Variants in ABCC4 observed in about 807,000 individuals in gnomAD.
ABCC4 encodes the protein ATP binding cassette subfamily C member 4 (PEL blood group).
A neutral mutation model predicts 168.5 loss-of-function variants in ABCC4; 102 were observed. The ratio of observed to expected loss-of-function variants is 0.61; its 90% CI spans 0.52 to 0.71. The LOEUF is 0.71. Among genes scored for constraint, ABCC4 ranks in the 30% least tolerant of loss-of-function variants. ABCC4 has a pLI of 0.00. For synonymous variants in ABCC4, 617 were observed against 590.7 expected (o/e 1.04, Z -0.65); for missense variants, 1,402 against 1,605.8 (o/e 0.87, Z 2.17).
At chr13:95,149,572 T>TA (rs1238188771) in intron 19 of ABCC4, among the ~76,000 whole-genome samples, 3 of 152,278 alleles carry the variant, frequency 2.0e-5, no homozygotes, top group African/African-American at 7.2e-5. Flanking sequence ...TGACTACTTT[T>TA]AAAAAAGCAA....
intron 30 of ABCC4, among the ~76,000 whole-genome samples, chr13:95,033,991 A>C (rs2139221388): frequency 6.6e-6 from 1 of 152,296 alleles, no homozygotes; most frequent in East Asian, 1.9e-4. Flanking sequence ...AGGTGGAGGA[A>C]GCATATGGGC....
intron 20 of ABCC4, among the ~76,000 whole-genome samples, chr13:95,101,671 G>A (rs971991664): frequency 2.6e-5 from 4 of 152,070 alleles, no homozygotes; most frequent in Admixed American, 6.5e-5. Context: ...TGAAAATTAC[G>A]TTATTATGAG....
chr13:95,166,605 T>C (rs945180479), intron 14 of ABCC4, among the ~76,000 whole-genome samples: 1 of 152,222 alleles, frequency 6.6e-6, no homozygotes, highest in Non-Finnish European at 1.5e-5. Flanking sequence ...GTGTTACAAA[T>C]GGCGATTATT....
chr13:95,167,006 A>T (rs922245936), intron 14 of ABCC4, among the ~76,000 whole-genome samples: 1 of 151,908 alleles, frequency 6.6e-6, no homozygotes, highest in Non-Finnish European at 1.5e-5. Flanking sequence ...GGCCAACATG[A>T]TGAAACCCCA....
At chr13:95,248,986 G>A (rs2040186536) in intron 1 of ABCC4, among the ~76,000 whole-genome samples, 1 of 152,194 alleles carries the variant, frequency 6.6e-6, no homozygotes, top group Admixed American at 6.5e-5. Flanking sequence ...GTTGCAGTGA[G>A]CTGAGATCGA....
intron 1 of ABCC4, among the ~76,000 whole-genome samples, chr13:95,279,655 C>A (rs2041062689): frequency 6.6e-6 from 1 of 152,182 alleles, no homozygotes; most frequent in Admixed American, 6.5e-5. Context: ...AATACCTCAA[C>A]CCAAATCTTC....
rs746795427 is a variant in ABCC4, at chr13:95,178,054, A to G, written c.1583T>C (p.Ile528Thr). The G allele has an allele frequency of 3.7e-6, 6 of 1,614,064 alleles. No individual in the cohort carries two copies. In the East Asian group the frequency reaches 1.1e-4, roughly 30 times the overall value. Residue 528 changes from isoleucine to threonine, a missense_variant, in exon 12 of 31, where the codon ATA (isoleucine) becomes ACA (threonine). Around this residue, in one of 3 missense-constraint regions of ABCC4, gnomAD observed 1,007 missense variants for 1,127.3 expected, o/e 0.89. Coordinates refer to ENST00000645237, the MANE Select transcript of ABCC4 (RefSeq NM_005845.5). The stretch of plus-strand genomic sequence containing the variant: ...ACTCAGCGTGGTTCCCCGATCTCCT[A>G]TCACAGTCAGATCACCATCCTCCAA... ...QLLEDGDLTV[I>T]GDRGTTLSGG...
chr13:95,254,269 A>C (rs9590219), intron 1 of ABCC4, among the ~76,000 whole-genome samples: 40,243 of 152,090 alleles, frequency 0.26, 6,432 homozygotes, highest in East Asian at 0.5. Flanking sequence ...AATTTCTCAG[A>C]GTATTATATG....
intron 30 of ABCC4, among the ~76,000 whole-genome samples, chr13:95,028,572 G>A (rs2139206792): frequency 6.6e-6 from 1 of 152,202 alleles, no homozygotes; most frequent in East Asian, 1.9e-4. Flanking sequence ...AATAAACTAT[G>A]AGTGAAAGCA....
chr13:95,143,406 T>C (rs1810035391), intron 19 of ABCC4, among the ~76,000 whole-genome samples: 1 of 152,214 alleles, frequency 6.6e-6, no homozygotes, highest in South Asian at 2.1e-4. Flanking sequence ...ATGTTCTAGA[T>C]ACATTTATAA....
intron 20 of ABCC4, among the ~76,000 whole-genome samples, chr13:95,107,561 T>G (rs2035051015): frequency 6.6e-6 from 1 of 152,208 alleles, no homozygotes; most frequent in African/African-American, 2.4e-5. Flanking sequence ...TAATTGTTTT[T>G]CCTTGTTTAT....
At chr13:95,267,001 C>G (rs1409957024) in intron 1 of ABCC4, among the ~76,000 whole-genome samples, 1 of 151,820 alleles carries the variant, frequency 6.6e-6, no homozygotes, top group Non-Finnish European at 1.5e-5. Context: ...TCCCAAGTAG[C>G]TGGGATTACA....
chr13:95,183,701 T>C (rs2139611073), intron 11 of ABCC4, among the ~76,000 whole-genome samples: 1 of 152,082 alleles, frequency 6.6e-6, no homozygotes, highest in Middle Eastern at 3.4e-3. Flanking sequence ...TCACTTGAGG[T>C]CAAGAGTTCA....
chr13:95,204,397 C>A (rs1007675413), intron 8 of ABCC4, among the ~76,000 whole-genome samples: 1 of 152,094 alleles, frequency 6.6e-6, no homozygotes, highest in African/African-American at 2.4e-5. Flanking sequence ...ATAATCCTCA[C>A]GTGTCAAGGG....
chr13:95,064,252 G>GTATATATATA (rs763934713), intron 25 of ABCC4, among the ~76,000 whole-genome samples: 1 of 118,170 alleles, frequency 8.5e-6, no homozygotes, highest in Non-Finnish European at 1.8e-5. Flanking sequence ...CCGGGTGTGT[G>GTATATATATA]TGTGTGTGTA....
At chr13:95,084,161 T>C (rs1322410715) in intron 20 of ABCC4, among the ~76,000 whole-genome samples, 1 of 152,232 alleles carries the variant, frequency 6.6e-6, no homozygotes, top group Non-Finnish European at 1.5e-5. Flanking sequence ...TGGCTGTATA[T>C]TAAATACACA....
At chr13:95,168,161 C>T (rs1039445007) in intron 14 of ABCC4, among the ~76,000 whole-genome samples, 16 of 152,178 alleles carry the variant, frequency 1.1e-4, no homozygotes, top group Admixed American at 6.5e-4. Context: ...CATGAGCCAC[C>T]GCGCCTCGCC....
intron 1 of ABCC4, among the ~76,000 whole-genome samples, chr13:95,290,729 AAAGAG>A (rs1303098666): frequency 2.2e-5 from 3 of 135,716 alleles, no homozygotes; most frequent in Non-Finnish European, 3.2e-5. Flanking sequence ...AAAAAAAAAA[AAAGAG>A]GAAATCGTGA....
In ABCC4 at chr13:95,046,593, C is replaced by T. The variant is rs541315417; in HGVS notation, c.3457-2155G>A. Among the ~76,000 whole-genome samples, 5 of 152,162 alleles carry T rather than the reference C, an allele frequency of 3.3e-5. No individual in the cohort carries two copies. The East Asian group carries it at 9.7e-4, about 29-fold the overall frequency. On this transcript the variant is annotated intron_variant, in intron 27 of 30. Transcript: ENST00000645237. ...CAGCCTGGCCAACATGGTGAAATCC[C>T]ATCTCTACTAATAATACAAAAAAAA...
Sources: gnomAD v4.1 joint callset for allele counts (sites outside exome capture counted in the v4.1 genomes callset) on GRCh38, gnomAD v4.1.1 for gene constraint, gnomAD v4.1.1 regional missense constraint, MANE v1.5 for transcripts, NCBI Gene and HGNC (gene_info 2026-07-23, HGNC 2026-07-21) for gene names.